ARAP2: variants seen among roughly 807,000 people sequenced by gnomAD.
ARAP2 encodes the protein arf-GAP with Rho-GAP domain, ANK repeat and PH domain-containing protein 2.
Under a neutral mutation model 194.5 loss-of-function variants are expected in ARAP2, and 148 were observed. The observed-to-expected ratio is 0.76, with a 90% confidence interval of 0.67 to 0.87. The LOEUF is 0.87. Ranked by LOEUF, ARAP2 falls within the 40% of genes least tolerant of loss-of-function variation. ARAP2 has a pLI of 0.00. For missense variants in ARAP2, 2,128 were observed against 1,989.7 expected (o/e 1.07, Z -1.32); for synonymous variants, 695 against 683.5 (o/e 1.02, Z -0.26).
At position 36,134,475 on chromosome 4, in the gene ARAP2, T is replaced by G. The variant is rs999694034; in HGVS notation, c.3264-1086A>C. On this transcript the variant is annotated intron_variant, in intron 19 of 32. Coordinates refer to ENST00000303965, the MANE Select transcript of ARAP2 (RefSeq NM_015230.4). Reference sequence around the variant, plus strand: ...TTCCAAGACTGCCTTATTTCAGATCTTCATGTTGTTCTTTCAGGTCACTAC... The same window carrying G: ...TTCCAAGACTGCCTTATTTCAGATCGTCATGTTGTTCTTTCAGGTCACTAC... Among the ~76,000 whole-genome samples, 13 of 151,784 alleles carry G rather than the reference T, an allele frequency of 8.6e-5. No individual in the cohort carries two copies. The East Asian group carries it at 1.4e-3, about 16-fold the overall frequency.
At chr4:36,094,024 T>C (rs1281156381) in intron 27 of ARAP2, among the ~76,000 whole-genome samples, 2 of 152,170 alleles carry the variant, frequency 1.3e-5, no homozygotes, top group Non-Finnish European at 2.9e-5. Flanking sequence ...TTTCCTACTA[T>C]TATGATGGGT....
intron 7 of ARAP2, 124 bp from the exon 8 acceptor site, chr4:36,187,695 C>T: frequency 1.3e-6 from 1 of 741,744 alleles, no homozygotes; most frequent in South Asian, 3.3e-5. Flanking sequence ...TTTTTAAATG[C>T]CATACAAGTA....
chr4:36,006,217 C>A (rs1560249413), intron 10 of ARAP2: 1 of 152,182 alleles, frequency 6.6e-6, no homozygotes, highest in Non-Finnish European at 1.5e-5. Flanking sequence ...ATAGCTTATA[C>A]AGGGGTAGGG....
chr4:36,191,322 T>C (rs1427752008), intron 7 of ARAP2, among the ~76,000 whole-genome samples: 4 of 152,106 alleles, frequency 2.6e-5, no homozygotes, highest in Non-Finnish European at 4.4e-5. Context: ...ATCTTTCTAA[T>C]AGATCCTGTT....
intron 2 of ARAP2, among the ~76,000 whole-genome samples, chr4:36,053,867 CAA>C (rs1166474104): frequency 6.6e-6 from 1 of 152,142 alleles, no homozygotes; most frequent in Non-Finnish European, 1.5e-5. Flanking sequence ...GATTATCTTA[CAA>C]ATTTAGATCC....
chr4:36,119,477 T>G (rs1332415355), intron 24 of ARAP2, among the ~76,000 whole-genome samples, 173 bp downstream of exon 24: 1 of 151,398 alleles, frequency 6.6e-6, no homozygotes, highest in Non-Finnish European at 1.5e-5. Flanking sequence ...TTAACATATT[T>G]TGCATATATG....
At chr4:36,143,320 C>T (rs1280980267) in intron 19 of ARAP2, among the ~76,000 whole-genome samples, 1 of 151,586 alleles carries the variant, frequency 6.6e-6, no homozygotes, top group Non-Finnish European at 1.5e-5. Context: ...TTCTAGTAAA[C>T]ATTTTTATTT....
chr4:36,118,061 C>T (rs1031828906), intron 24 of ARAP2, among the ~76,000 whole-genome samples: 4 of 150,932 alleles, frequency 2.7e-5, no homozygotes, highest in Non-Finnish European at 5.9e-5. Context: ...AATGAGTAAA[C>T]TTGTGGGGAA....
chr4:36,212,049 G>C (rs1746870421), intron 5 of ARAP2, among the ~76,000 whole-genome samples: 1 of 9,680 alleles, frequency 1.0e-4, no homozygotes, highest in South Asian at 5.6e-3. Context: ...TCTGCAACTT[G>C]CATAGTGATG....
At chr4:36,100,280 A>G (rs1391089749) in intron 27 of ARAP2, among the ~76,000 whole-genome samples, 2 of 151,992 alleles carry the variant, frequency 1.3e-5, no homozygotes, top group Admixed American at 1.3e-4. Flanking sequence ...TATCTCTCAC[A>G]TATTATCTGA....
intron 27 of ARAP2, among the ~76,000 whole-genome samples, chr4:36,100,567 T>C (rs939495874): frequency 6.6e-6 from 1 of 152,084 alleles, no homozygotes; most frequent in African/African-American, 2.4e-5. Context: ...TTCAAAATTA[T>C]GCATATTTTC....
intron 1 of ARAP2, among the ~76,000 whole-genome samples, chr4:36,240,547 T>C (rs1219948938): frequency 6.6e-6 from 1 of 152,218 alleles, no homozygotes; most frequent in Non-Finnish European, 1.5e-5. Context: ...TCTCTTTTCC[T>C]GAGCCTCACT....
chr4:36,133,222 T>A lies in ARAP2; in HGVS notation c.3427+4A>T, dbSNP rs549916068. 1.9e-5 allele frequency: 30 copies of A among 1,609,866 alleles called. No individual in the cohort carries two copies. The highest frequency in any genetic ancestry group is 8.4e-5 in the Admixed American group (5 of 59,642). ...GGGTTGAATAAAAACTCAGTGATAC[T>A]TACCATACTGTGTAACAAATGCTAT... On this transcript the variant is annotated splice_donor_region_variant and intron_variant, in intron 20 of 32. Coordinates refer to ENST00000303965, the MANE Select transcript of ARAP2 (RefSeq NM_015230.4).
At position 36,096,095 on chromosome 4, in the gene ARAP2, G is replaced by A. The variant is rs147296151; in HGVS notation, c.4286-4075C>T. Among the ~76,000 whole-genome samples, 1,381 of 152,114 alleles carry A rather than the reference G, an allele frequency of 9.1e-3. 18 individuals carry two copies. The highest frequency in any genetic ancestry group is 0.031 in the African/African-American group (1,299 of 41,486). On this transcript the variant is annotated intron_variant, in intron 27 of 32. Coordinates refer to ENST00000303965, the MANE Select transcript of ARAP2 (RefSeq NM_015230.4). Reference sequence around the variant, plus strand: ...AAAAATTAGTCTTTCCAGGCACGGTGGCTCATATCTGTAATCCCAGCACTT... The same window carrying A: ...AAAAATTAGTCTTTCCAGGCACGGTAGCTCATATCTGTAATCCCAGCACTT...
chr4:36,167,203 C>A (rs1032192662), intron 9 of ARAP2, among the ~76,000 whole-genome samples, 156 bp from the exon 10 acceptor site: 1 of 152,014 alleles, frequency 6.6e-6, no homozygotes, highest in African/African-American at 2.4e-5. Context: ...TAGCACTGGG[C>A]CAACTTAAGC....
At chr4:36,013,469 G>A (rs1714930442) in intron 8 of ARAP2, among the ~76,000 whole-genome samples, 1 of 152,138 alleles carries the variant, frequency 6.6e-6, no homozygotes, top group East Asian at 1.9e-4. Flanking sequence ...AAATAACAGA[G>A]TAGAAAGGAA....
intron 8 of ARAP2, among the ~76,000 whole-genome samples, chr4:36,185,137 T>C (rs1451073948): frequency 6.6e-6 from 1 of 152,216 alleles, no homozygotes; most frequent in African/African-American, 2.4e-5. Flanking sequence ...AATGAATGAA[T>C]GACAATGGTT....
chr4:36,158,464 T>G (rs1373167091), intron 15 of ARAP2, among the ~76,000 whole-genome samples: 2 of 152,172 alleles, frequency 1.3e-5, no homozygotes, highest in African/African-American at 4.8e-5. Flanking sequence ...AGGAATAACC[T>G]TTATAACTTG....
At chr4:36,208,966 A>G (rs1746151036) in intron 6 of ARAP2, among the ~76,000 whole-genome samples, 1 of 152,172 alleles carries the variant, frequency 6.6e-6, no homozygotes, top group African/African-American at 2.4e-5. Context: ...AAGTTCTGAA[A>G]AAGAGAGACA....
Sources: gnomAD v4.1 joint callset for allele counts (sites outside exome capture counted in the v4.1 genomes callset) on GRCh38, gnomAD v4.1.1 for gene constraint, MANE v1.5 for transcripts, NCBI Gene and HGNC (gene_info 2026-07-23, HGNC 2026-07-21) for gene names.